FOXK2: variants seen among roughly 807,000 people sequenced by gnomAD.
FOXK2 encodes forkhead box K2, also known as forkhead box protein K2.
A neutral mutation model predicts 53.3 loss-of-function variants in FOXK2; 24 were observed. The ratio of observed to expected loss-of-function variants is 0.45; its 90% CI spans 0.33 to 0.63. The LOEUF is 0.63. Among genes scored for constraint, FOXK2 ranks in the 30% least tolerant of loss-of-function variants. The probability of loss-of-function intolerance (pLI) is 0.03; values close to 1 mark genes in which losing one functional copy is unlikely to be tolerated. For missense variants in FOXK2, 952 were observed against 910.5 expected, an observed-to-expected ratio of 1.05 and a Z score of -0.59; for synonymous variants, 505 against 407.1, an observed-to-expected ratio of 1.24 and a Z score of -2.89.
chr17:82,573,662 G>T (rs1409332941), intron 4 of FOXK2, among the ~76,000 whole-genome samples: 2 of 151,894 alleles, frequency 1.3e-5, no homozygotes, highest in Non-Finnish European at 2.9e-5. Flanking sequence ...GTCAAGGAGA[G>T]AAACTCCACA....
intron 1 of FOXK2, among the ~76,000 whole-genome samples, chr17:82,551,882 G>A (rs1432995000): frequency 6.6e-6 from 1 of 152,176 alleles, no homozygotes; most frequent in Non-Finnish European, 1.5e-5. Context: ...CTCCAAGGAG[G>A]GGCAGGGGAG....
chr17:82,577,182 A>G, intron 4 of FOXK2: 2 of 1,008,136 alleles, frequency 2.0e-6, no homozygotes, highest in Non-Finnish European at 3.0e-6. Flanking sequence ...AAAAGAAAAA[A>G]AGAAATGTAT....
rs138704675 is a variant in FOXK2, at chr17:82,544,044, C to T, written c.420-19310C>T. Among the ~76,000 whole-genome samples the T allele has an allele frequency of 3.9e-3, 590 of 152,046 alleles. 25 individuals carry two copies. The East Asian group carries it at 0.1, about 26-fold the overall frequency. ...GCCCGCCTCAGCCTCCCAAAGTGCTCGGATTACAGGCGTGAGCCACCGTGC... is the reference window on the plus strand; with the variant it reads ...GCCCGCCTCAGCCTCCCAAAGTGCTTGGATTACAGGCGTGAGCCACCGTGC... On this transcript the variant is annotated intron_variant, in intron 1 of 8. Transcript: ENST00000335255.
At position 82,601,218 on chromosome 17, in the gene FOXK2, C is replaced by T. The variant is rs9896294; in HGVS notation, c.1787-85C>T. 759 of 1,418,932 alleles carry T rather than the reference C, an allele frequency of 5.3e-4. 3 individuals carry two copies. The African/African-American group carries it at 9.6e-3, about 18-fold the overall frequency. 87.9% of individuals were successfully genotyped at this position (1,418,932 alleles called of 1,614,324 possible). On this transcript the variant is annotated intron_variant, in intron 8 of 8. Transcript: ENST00000335255. ...CATGAGAGCGTGGGGTTCTGACTCG[C>T]GAGGGTTCACGTGAGAGCGTGGGGT...
chr17:82,593,988 G>A (rs2045283009), intron 8 of FOXK2: 1 of 152,366 alleles, frequency 6.6e-6, no homozygotes, highest in African/African-American at 2.4e-5. Context: ...TGTGTTCTGC[G>A]GGAGCCGCAC....
intron 4 of FOXK2, among the ~76,000 whole-genome samples, chr17:82,574,806 T>C (rs1490383555): frequency 2.0e-5 from 3 of 152,228 alleles, no homozygotes; most frequent in Non-Finnish European, 4.4e-5. Context: ...ACCTATGGTA[T>C]AGCTTTTTGG....
At chr17:82,549,255 C>A (rs2044654027) in intron 1 of FOXK2, among the ~76,000 whole-genome samples, 1 of 152,220 alleles carries the variant, frequency 6.6e-6, no homozygotes, top group African/African-American at 2.4e-5. Flanking sequence ...CACCAAGTTG[C>A]CACACCGAAC....
At chr17:82,589,308 A>G (rs1279080594) in intron 8 of FOXK2, among the ~76,000 whole-genome samples, 5 of 152,180 alleles carry the variant, frequency 3.3e-5, no homozygotes, top group African/African-American at 4.8e-5. Flanking sequence ...TGGTCTTTCC[A>G]TCTCACATTC....
intron 1 of FOXK2, among the ~76,000 whole-genome samples, chr17:82,524,275 C>T (rs976618213): frequency 2.6e-5 from 4 of 152,162 alleles, no homozygotes; most frequent in East Asian, 1.9e-4. Flanking sequence ...TGTAACAACC[C>T]GTCGTTGGTC....
At chr17:82,560,001 C>CTTTTTTTTTTTTTTTTTTTT (rs10583366) in intron 1 of FOXK2, among the ~76,000 whole-genome samples, 1 of 97,574 alleles carries the variant, frequency 1.0e-5, no homozygotes, top group Non-Finnish European at 2.0e-5. Context: ...TCTGGATAGA[C>CTTTTTTTTTTTTTTTTTTTT]TTTTTTTTTT....
intron 1 of FOXK2, among the ~76,000 whole-genome samples, chr17:82,552,745 A>G (rs1232301626): frequency 2.6e-5 from 4 of 152,090 alleles, no homozygotes; most frequent in Admixed American, 6.6e-5. Context: ...GTGGACAATG[A>G]TGCTGGCTGT....
rs1278940509 is a variant in FOXK2, at chr17:82,571,836, A to T, written c.875A>T (p.Tyr292Phe). The T allele has an allele frequency of 6.3e-7, 1 of 1,599,356 alleles. No individual in the cohort carries two copies. Among genetic ancestry groups the T allele is most frequent in the East Asian group, 2.3e-5 (1 of 43,338 alleles). Residue 292 changes from tyrosine to phenylalanine, a missense_variant, in exon 4 of 9, where the codon TAT becomes TTT. Tyr to Phe is a conservative substitution (Grantham distance 22). Transcript: ENST00000335255. ...NGIYTHITKN[Y>F]PYYRTADKGW... ...ATTTATACACACATCACTAAAAATT[A>T]TCCCTACTACAGGACTGCGGACAAG...
chr17:82,558,460 C>T (rs947139802), intron 1 of FOXK2, among the ~76,000 whole-genome samples: 7 of 152,218 alleles, frequency 4.6e-5, no homozygotes, highest in African/African-American at 1.7e-4. Context: ...CGGAGAAGTA[C>T]GAGCTCACAG....
intron 1 of FOXK2, among the ~76,000 whole-genome samples, chr17:82,525,798 A>G (rs1487649847): frequency 6.6e-6 from 1 of 152,230 alleles, no homozygotes; most frequent in East Asian, 1.9e-4. Context: ...CTGTTTATTT[A>G]GAAGAGTGAC....
chr17:82,519,871 G>A lies in FOXK2; in HGVS notation c.-18G>A. On this transcript the variant is annotated 5_prime_UTR_variant, in exon 1 of 9. Transcript: ENST00000335255. Reference sequence around the variant, plus strand: ...CCGGCGCCCGCGCGGAGCGGCCCGGGGGCCCTCACGCAGGCCCATGGCGGC... The same window carrying A: ...CCGGCGCCCGCGCGGAGCGGCCCGGAGGCCCTCACGCAGGCCCATGGCGGC... 1.0e-6 allele frequency: 1 copy of A among 974,572 alleles called. No individual in the cohort carries two copies. Among genetic ancestry groups the A allele is most frequent in the Non-Finnish European group, 1.2e-6 (1 of 823,818 alleles). 60.4% of individuals were successfully genotyped at this position (974,572 alleles called of 1,614,324 possible). A position where few individuals can be genotyped will look rare whatever the true frequency, so the allele number is the denominator to read the frequency against.
chr17:82,584,110 C>T lies in FOXK2; in HGVS notation c.1201C>T (p.Pro401Ser), dbSNP rs770742063. The change falls in exon 6 of 9, where the codon CCC (proline) becomes TCC (serine). Residue 401 changes from proline (P) to serine (S), a missense_variant. Physicochemically the swap from Pro to Ser is moderately conservative, Grantham distance 74. Around this residue, in one of 5 missense-constraint regions of FOXK2, gnomAD observed 551 missense variants for 385.1 expected, o/e 1.43. Transcript: ENST00000335255. ...ESLSREGSPA[P>S]LEPEPGAAQP... ...CCTGTCGAGGGAAGGTTCGCCGGCC[C>T]CCCTGGAGCCTGAGCCTGGCGCTGC... 1 of 1,611,354 alleles carries T rather than the reference C, an allele frequency of 6.2e-7. No individual in the cohort carries two copies. The highest frequency in any genetic ancestry group is 8.5e-7 in the Non-Finnish European group (1 of 1,179,880).
chr17:82,524,005 C>T (rs1399368112), intron 1 of FOXK2, among the ~76,000 whole-genome samples: 1 of 152,168 alleles, frequency 6.6e-6, no homozygotes, highest in Non-Finnish European at 1.5e-5. Flanking sequence ...AGCCATTCTC[C>T]TGCCTCAGAC....
intron 4 of FOXK2, among the ~76,000 whole-genome samples, chr17:82,581,614 T>TC (rs1393970252): frequency 2.0e-5 from 3 of 152,038 alleles, no homozygotes; most frequent in African/African-American, 7.2e-5. Context: ...CAACTGGGAC[T>TC]ACAGGTGCCC....
intron 1 of FOXK2, among the ~76,000 whole-genome samples, chr17:82,546,915 A>G (rs2044631084): frequency 6.6e-6 from 1 of 151,980 alleles, no homozygotes. Context: ...CGTCTCTACT[A>G]AAAATACCAA....
Sources: allele counts gnomAD v4.1 joint callset (sites outside exome capture counted in the v4.1 genomes callset), GRCh38; gene constraint gnomAD v4.1.1; regional missense constraint gnomAD v4.1.1; transcripts MANE v1.5; gene names NCBI Gene and HGNC (gene_info 2026-07-23, HGNC 2026-07-21).